PIGK: variants seen among roughly 807,000 people sequenced by gnomAD.
PIGK encodes the protein GPI-anchor transamidase.
A neutral mutation model predicts 50.6 loss-of-function variants in PIGK; 42 were observed. That is an observed-to-expected ratio of 0.83 (90% CI 0.65 to 1.07). The LOEUF (loss-of-function observed/expected upper bound fraction) is 1.07. PIGK is among the 50% of genes least tolerant of loss of function. The pLI is 0.00. For missense variants in PIGK, 448 were observed against 488.7 expected, an observed-to-expected ratio of 0.92 and a Z score of 0.78; for synonymous variants, 151 against 156.0, an observed-to-expected ratio of 0.97 and a Z score of 0.24.
intron 10 of PIGK, among the ~76,000 whole-genome samples, chr1:77,116,600 G>A (rs866536663): frequency 1.8e-5 from 2 of 114,016 alleles, no homozygotes; most frequent in Non-Finnish European, 3.5e-5. Flanking sequence ...GTGTGTGCGC[G>A]TGTGTGTGTG....
chr1:77,149,611 T>C (rs1654848407), intron 9 of PIGK, among the ~76,000 whole-genome samples: 1 of 152,144 alleles, frequency 6.6e-6, no homozygotes, highest in African/African-American at 2.4e-5. Context: ...CAAATATGAT[T>C]AGATCTAAAG....
chr1:77,178,350 TA>T (rs1655533301), intron 3 of PIGK, among the ~76,000 whole-genome samples: 1 of 152,120 alleles, frequency 6.6e-6, no homozygotes. Context: ...TGGTTTGGAG[TA>T]AAAACGGCAA....
chr1:77,161,813 A>G (rs1655135260), intron 6 of PIGK, 102 bp from the exon 7 acceptor site: 3 of 680,320 alleles, frequency 4.4e-6, no homozygotes, highest in African/African-American at 3.6e-5. Context: ...TATCTTAGTC[A>G]TTTCATTAGC....
Position 77,171,638 on chromosome 1 carries a change from G to A in PIGK, c.240-2243C>T, listed in dbSNP as rs533929266. 2.0e-5 allele frequency among the ~76,000 whole-genome samples: 3 copies of A among 151,774 alleles called. No individual in the cohort carries two copies. In the South Asian group the frequency reaches 6.2e-4, roughly 32 times the overall value. On this transcript the variant is annotated intron_variant, in intron 3 of 10. Coordinates refer to ENST00000370812, the MANE Select transcript of PIGK (RefSeq NM_005482.3). The stretch of plus-strand genomic sequence containing the variant: ...GAGATAATTTTAAGCCTCAATATAA[G>A]TACTATGACCTGTTAACATAATCAA...
intron 10 of PIGK, among the ~76,000 whole-genome samples, chr1:77,093,371 T>C (rs1349334023): frequency 1.3e-5 from 2 of 152,080 alleles, no homozygotes; most frequent in Non-Finnish European, 2.9e-5. Flanking sequence ...AGCCTTGTAA[T>C]TGGAAGTTTG....
chr1:77,157,151 G>A (rs839829), intron 8 of PIGK, among the ~76,000 whole-genome samples: 151,492 of 152,314 alleles, frequency 0.99, 75,340 homozygotes, highest in Middle Eastern at 1. Context: ...CTAACATAGT[G>A]CTGTGAATAC....
chr1:77,097,122 G>A (rs1653434104), intron 10 of PIGK, among the ~76,000 whole-genome samples: 3 of 151,872 alleles, frequency 2.0e-5, no homozygotes. Context: ...GTAGGGACAT[G>A]GATGAAATTG....
At chr1:77,103,358 C>A (rs1452622649) in intron 10 of PIGK, among the ~76,000 whole-genome samples, 1 of 151,796 alleles carries the variant, frequency 6.6e-6, no homozygotes, top group Non-Finnish European at 1.5e-5. Context: ...GAAAAATAAC[C>A]CATAGTCCCC....
intron 8 of PIGK, among the ~76,000 whole-genome samples, chr1:77,155,316 T>G (rs1570228232): frequency 1.3e-5 from 2 of 152,200 alleles, no homozygotes; most frequent in African/African-American, 2.4e-5. Flanking sequence ...AATTTTTCTG[T>G]TAATCTTATC....
intron 10 of PIGK, among the ~76,000 whole-genome samples, chr1:77,121,317 C>T (rs987093235): frequency 1.3e-5 from 2 of 152,068 alleles, no homozygotes; most frequent in South Asian, 2.1e-4. Flanking sequence ...CAAGCACAGA[C>T]GAGCTTCCCA....
chr1:77,115,053 C>T (rs963314100), intron 10 of PIGK, among the ~76,000 whole-genome samples: 8 of 152,068 alleles, frequency 5.3e-5, no homozygotes, highest in Non-Finnish European at 8.8e-5. Context: ...TTCAGTCAAC[C>T]TTTAGTAAAG....
chr1:77,191,801 G>A (rs1031474893), intron 3 of PIGK, among the ~76,000 whole-genome samples: 4 of 152,120 alleles, frequency 2.6e-5, no homozygotes, highest in South Asian at 2.1e-4. Flanking sequence ...CAAGGTGGGC[G>A]GATCGCTTGA....
At chr1:77,101,721 T>C (rs914293942) in intron 10 of PIGK, among the ~76,000 whole-genome samples, 1 of 152,236 alleles carries the variant, frequency 6.6e-6, no homozygotes, top group South Asian at 2.1e-4. Context: ...AAAATATTCT[T>C]TTGGCCAGGT....
intron 10 of PIGK, among the ~76,000 whole-genome samples, chr1:77,121,600 A>C (rs530102946): frequency 9.9e-5 from 15 of 152,200 alleles, no homozygotes; most frequent in Non-Finnish European, 2.1e-4. Flanking sequence ...ATTTACTATA[A>C]TATGTAAGTT....
At chr1:77,190,280 A>G (rs920075281) in intron 3 of PIGK, among the ~76,000 whole-genome samples, 7 of 152,146 alleles carry the variant, frequency 4.6e-5, no homozygotes, top group Non-Finnish European at 7.3e-5. Flanking sequence ...GCATGGCTGT[A>G]GTCCTAGCTA....
rs1653287652 is a variant in PIGK at position 77,091,101 on chromosome 1, G to A, written c.*1273C>T. The A allele has an allele frequency of 6.6e-6, 1 of 152,110 alleles. No individual in the cohort carries two copies. The allele number at this position is 152,110 out of a possible 1,614,324, so 9.4% of individuals were successfully genotyped here. A position where few individuals can be genotyped will look rare whatever the true frequency, so the allele number is the denominator to read the frequency against. Reference sequence around the variant, plus strand: ...AAATTTAAAAAAAAATCTTTGCACTGAATAAAGATGAACACATAAATTCTT... The same window carrying A: ...AAATTTAAAAAAAAATCTTTGCACTAAATAAAGATGAACACATAAATTCTT... On this transcript the variant is annotated 3_prime_UTR_variant, in exon 11 of 11. Transcript: ENST00000370812.
intron 3 of PIGK, among the ~76,000 whole-genome samples, chr1:77,181,478 C>T (rs956472129): frequency 7.9e-5 from 12 of 152,108 alleles, no homozygotes; most frequent in African/African-American, 2.9e-4. Context: ...TGTTTTTAAA[C>T]TGTTCGCTTA....
chr1:77,212,758 C>A (rs990153548), intron 1 of PIGK, among the ~76,000 whole-genome samples: 9 of 152,036 alleles, frequency 5.9e-5, no homozygotes. Context: ...AGAGAGCATA[C>A]AATTATAAGT....
At position 77,219,360 on chromosome 1, in the gene PIGK, C is replaced by G; in HGVS notation, c.43G>C (p.Ala15Pro). 6.2e-7 allele frequency: 1 copy of G among 1,613,852 alleles called. No homozygotes were observed. Among genetic ancestry groups the G allele is most frequent in the Non-Finnish European group, 8.5e-7 (1 of 1,179,824 alleles). Residue 15 changes from alanine to proline, a missense_variant, in exon 1 of 11, where the codon GCA becomes CCA. Ala to Pro is a conservative substitution (Grantham distance 27, BLOSUM62 -1). Coordinates refer to ENST00000370812, the MANE Select transcript of PIGK (RefSeq NM_005482.3). ...DSLSRAATVL[A>P]TVLLLSFGSV... Reference sequence around the variant, plus strand: ...CCGAAGGACAAGAGCAACACAGTTGCCAAGACAGTCGCAGCCCGGCTGAGG... The same window carrying G: ...CCGAAGGACAAGAGCAACACAGTTGGCAAGACAGTCGCAGCCCGGCTGAGG...
Sources: allele counts gnomAD v4.1 joint callset (sites outside exome capture counted in the v4.1 genomes callset), GRCh38; gene constraint gnomAD v4.1.1; transcripts MANE v1.5; gene names NCBI Gene and HGNC (gene_info 2026-07-23, HGNC 2026-07-21).